RPS6KA6: variants seen among roughly 807,000 people sequenced by gnomAD.
RPS6KA6 encodes the protein ribosomal protein S6 kinase A6.
RPS6KA6 carries 27 observed loss-of-function variants against 65.4 expected under a neutral mutation model. The ratio of observed to expected loss-of-function variants is 0.41; its 90% CI spans 0.30 to 0.57. The LOEUF (loss-of-function observed/expected upper bound fraction) is 0.57, where lower values mean the gene tolerates loss of function less well. Among genes scored for constraint, RPS6KA6 ranks in the 20% least tolerant of loss-of-function variants. The pLI is 0.24. For synonymous variants in RPS6KA6, 190 were observed against 184.2 expected, an observed-to-expected ratio of 1.03 and a Z score of -0.26; for missense variants, 486 against 555.6, an observed-to-expected ratio of 0.87 and a Z score of 1.26.
chrX:84,069,921 C>T (rs1041181001), intron 20 of RPS6KA6, among the ~76,000 whole-genome samples: 6 of 111,467 alleles, frequency 5.4e-5, no homozygotes, highest in Non-Finnish European at 9.4e-5. Flanking sequence ...CAGATGCTGG[C>T]GAGGATGTGG....
intron 15 of RPS6KA6, 133 bp downstream of exon 15, chrX:84,106,232 T>G (rs2034357115): frequency 1.8e-6 from 1 of 558,212 alleles, no homozygotes; most frequent in Non-Finnish European, 2.8e-6. Flanking sequence ...ATGAAAATAT[T>G]AAGTCTCAGA....
intron 20 of RPS6KA6, among the ~76,000 whole-genome samples, chrX:84,091,866 A>G (rs1266589767): frequency 8.9e-6 from 1 of 112,004 alleles, no homozygotes; most frequent in Non-Finnish European, 1.9e-5. Flanking sequence ...CATAAAAAAG[A>G]TCATGTCTGT....
intron 12 of RPS6KA6, among the ~76,000 whole-genome samples, chrX:84,112,998 C>T (rs1223224374): frequency 2.7e-5 from 3 of 110,987 alleles, no homozygotes; most frequent in African/African-American, 9.8e-5. Flanking sequence ...ATGAATACCA[C>T]GGAAATATAT....
At chrX:84,151,204 GATATATAGGATATATATAGA>G (rs1212743977) in intron 3 of RPS6KA6, among the ~76,000 whole-genome samples, 1 of 89,453 alleles carries the variant, frequency 1.1e-5, no homozygotes, top group African/African-American at 3.9e-5. Flanking sequence ...TAGAGATATA[GATATATAGGATATATATAGA>G]TATAGATATA....
intron 20 of RPS6KA6, among the ~76,000 whole-genome samples, chrX:84,078,942 A>G (rs891393637): frequency 9.0e-6 from 1 of 111,429 alleles, no homozygotes; most frequent in Non-Finnish European, 1.9e-5. Flanking sequence ...TTCATTTGTT[A>G]TCAATTCTAC....
intron 11 of RPS6KA6, among the ~76,000 whole-genome samples, chrX:84,116,784 G>T (rs981352986): frequency 2.7e-5 from 3 of 110,208 alleles, no homozygotes; most frequent in Non-Finnish European, 5.7e-5. Flanking sequence ...ATATATAAAA[G>T]ATTACCTGTA....
Position 84,064,874 on chromosome X carries a change from T to C in RPS6KA6, c.2112+97A>G, listed in dbSNP as rs775301300. ...AATCTATCTTTAAAAAATAAAGATA[T>C]TTTAAGGAATTATTTAAGTGTCATC... On this transcript the variant is annotated intron_variant, in intron 21 of 21. Transcript: ENST00000262752. 7.2e-4 allele frequency: 439 copies of C among 611,447 alleles called. No individual in the cohort carries two copies. Among genetic ancestry groups the C allele is most frequent in the South Asian group, 2.9e-3 (63 of 21,968 alleles). 50.4% of individuals were successfully genotyped at this position (611,447 alleles called of 1,213,427 possible).
At chrX:84,143,791 A>G (rs1382781714) in intron 6 of RPS6KA6, among the ~76,000 whole-genome samples, 1 of 111,552 alleles carries the variant, frequency 9.0e-6, no homozygotes, top group Non-Finnish European at 1.9e-5. Context: ...GACATATTAT[A>G]AAGGTACAGT....
intron 1 of RPS6KA6, among the ~76,000 whole-genome samples, chrX:84,172,931 A>T (rs2035710055): frequency 9.0e-6 from 1 of 111,133 alleles, no homozygotes; most frequent in Admixed American, 9.7e-5. Context: ...TAGAGATGGA[A>T]AGTAGAAAGG....
chrX:84,096,867 T>A (rs189189062), intron 19 of RPS6KA6, among the ~76,000 whole-genome samples: 32 of 111,309 alleles, frequency 2.9e-4, no homozygotes, highest in African/African-American at 1.0e-3. Flanking sequence ...TCATGTAGAT[T>A]AATTGTGCTT....
intron 2 of RPS6KA6, among the ~76,000 whole-genome samples, chrX:84,160,181 G>A (rs760974855): frequency 9.0e-6 from 1 of 111,359 alleles, no homozygotes; most frequent in South Asian, 3.8e-4. Context: ...TCTGAGGCCA[G>A]GATGACTATT....
chrX:84,144,282 T>C (rs1022290016), intron 6 of RPS6KA6, among the ~76,000 whole-genome samples: 7 of 110,554 alleles, frequency 6.3e-5, no homozygotes, highest in Non-Finnish European at 1.1e-4. Flanking sequence ...ATAACATATA[T>C]GATCAAGGAC....
At chrX:84,180,575 A>C (rs1258280240) in intron 1 of RPS6KA6, among the ~76,000 whole-genome samples, 1 of 110,977 alleles carries the variant, frequency 9.0e-6, no homozygotes, top group Non-Finnish European at 1.9e-5. Flanking sequence ...TCCTTATTTT[A>C]TTTTTCTTTT....
chrX:84,065,143 T>G, intron 20 of RPS6KA6, 32 bp from the exon 21 acceptor site: 1 of 943,497 alleles, frequency 1.1e-6, no homozygotes, highest in Non-Finnish European at 1.5e-6. Flanking sequence ...TGTATATATA[T>G]ATACATGTAT....
At chrX:84,064,430 T>C (rs1432245610) in intron 21 of RPS6KA6, 28 bp from the exon 22 acceptor site, 5 of 1,135,762 alleles carry the variant, frequency 4.4e-6, no homozygotes, top group Non-Finnish European at 5.8e-6. Context: ...TGCCACAAAC[T>C]AAGTACAAAT....
intron 20 of RPS6KA6, among the ~76,000 whole-genome samples, chrX:84,094,352 G>A (rs2034108600): frequency 9.6e-6 from 1 of 104,143 alleles, no homozygotes; most frequent in Non-Finnish European, 1.9e-5. Context: ...TAAAGATTTT[G>A]CAAGTGGAGG....
chrX:84,183,700 G>A lies in RPS6KA6; in HGVS notation c.81+4119C>T, dbSNP rs186462955. Among the ~76,000 whole-genome samples, 404 of 110,503 alleles carry A rather than the reference G, an allele frequency of 3.7e-3. 5 individuals are homozygous for A. The highest frequency in any genetic ancestry group is 0.02 in the South Asian group (51 of 2,594). The stretch of plus-strand genomic sequence containing the variant: ...CTTTTCTTATATTGTGCCCATCCAC[G>A]TGAAATATGCTCCTTTCATCTGTCT... On this transcript the variant is annotated intron_variant, in intron 1 of 21. Coordinates refer to ENST00000262752, the MANE Select transcript of RPS6KA6 (RefSeq NM_014496.5).
intron 12 of RPS6KA6, among the ~76,000 whole-genome samples, chrX:84,115,241 A>C (rs1039483812): frequency 8.9e-6 from 1 of 111,793 alleles, no homozygotes; most frequent in African/African-American, 3.3e-5. Flanking sequence ...AAGGTACTCA[A>C]ACAACTCAAC....
intron 3 of RPS6KA6, among the ~76,000 whole-genome samples, chrX:84,152,913 T>C (rs985478430): frequency 9.0e-6 from 1 of 111,712 alleles, no homozygotes; most frequent in Admixed American, 9.6e-5. Flanking sequence ...CCTAAAAACG[T>C]ATCTATATTG....
Sources: gnomAD v4.1 joint callset for allele counts (sites outside exome capture counted in the v4.1 genomes callset) on GRCh38, gnomAD v4.1.1 for gene constraint, MANE v1.5 for transcripts, NCBI Gene and HGNC (gene_info 2026-07-23, HGNC 2026-07-21) for gene names.